Variants in COG7 observed in about 807,000 individuals in gnomAD.
The protein encoded by COG7 is conserved oligomeric Golgi complex subunit 7.
Under a neutral mutation model 91.5 loss-of-function variants are expected in COG7, and 49 were observed. The observed-to-expected ratio is 0.54, with a 90% CI of 0.43 to 0.68. The LOEUF (loss-of-function observed/expected upper bound fraction) is 0.68. COG7 is among the 30% of genes least tolerant of loss of function. The probability of loss-of-function intolerance (pLI) is 0.00; values close to 1 mark genes in which losing one functional copy is unlikely to be tolerated. For synonymous variants in COG7, 365 were observed against 388.7 expected, an observed-to-expected ratio of 0.94 and a Z score of 0.72; for missense variants, 895 against 961.3, an observed-to-expected ratio of 0.93 and a Z score of 0.91.
chr16:23,390,240 T>C (rs1393488108), intron 16 of COG7: 1 of 151,376 alleles, frequency 6.6e-6, no homozygotes, highest in Non-Finnish European at 1.5e-5. Flanking sequence ...TTCACTCTTG[T>C]TGCCCAGGCT....
rs111405261 is a variant in COG7, at chr16:23,409,095, A to ATGTG, written c.1475+1196_1475+1199dup. ...TGTGTGTGTGTGTGTGTGTGCGTGC[A>ATGTG]TGTGTGTGTGTGTGTGTGTGTATGT... On this transcript the variant is annotated intron_variant, in intron 11 of 16. Transcript: ENST00000307149. Among the ~76,000 whole-genome samples, 358 of 132,714 alleles carry ATGTG rather than the reference A, an allele frequency of 2.7e-3. 2 individuals carry two copies. The highest frequency in any genetic ancestry group is 8.1e-3 in the Middle Eastern group (2 of 248). The allele number at this position is 132,714 out of a possible 152,430, so 87.1% of individuals were successfully genotyped here.
rs568813084 is a variant in COG7 at position 23,434,709 on chromosome 16, T to G, written c.614A>C (p.Lys205Thr). 17 of 1,611,594 alleles carry G rather than the reference T, an allele frequency of 1.1e-5. 1 individual carries two copies. Among genetic ancestry groups the G allele is most frequent in the African/African-American group, 6.7e-5 (5 of 74,982 alleles). ...AFTSQAVDQS[K>T]VFVKVFTEID... ...TTCAGTAAACACCTTCACAAACACT[T>G]TGGACTGATCTAAAGAACATACAAT... The change falls in exon 5 of 17, where the codon AAA (lysine) becomes ACA (threonine). Residue 205 changes from lysine (K) to threonine (T), a missense_variant. Coordinates refer to ENST00000307149, the MANE Select transcript of COG7 (RefSeq NM_153603.4).
chr16:23,451,033 A>C (rs1964257112), intron 1 of COG7, among the ~76,000 whole-genome samples: 1 of 152,044 alleles, frequency 6.6e-6, no homozygotes, highest in South Asian at 2.1e-4. Flanking sequence ...ATCTCTACTA[A>C]AAATACAAAA....
At chr16:23,429,347 C>G (rs1237058118) in intron 6 of COG7, among the ~76,000 whole-genome samples, 1 of 151,398 alleles carries the variant, frequency 6.6e-6, no homozygotes, top group Non-Finnish European at 1.5e-5. Flanking sequence ...AATTCCACTC[C>G]TAGGTATTTA....
chr16:23,435,283 G>T (rs899003770), intron 4 of COG7, among the ~76,000 whole-genome samples: 1 of 151,920 alleles, frequency 6.6e-6, no homozygotes, highest in Non-Finnish European at 1.5e-5. Flanking sequence ...AGGAGAATTG[G>T]TTGAACCCGG....
At chr16:23,405,291 A>G (rs1890027879) in intron 12 of COG7, among the ~76,000 whole-genome samples, 1 of 152,124 alleles carries the variant, frequency 6.6e-6, no homozygotes, top group Non-Finnish European at 1.5e-5. Flanking sequence ...CTCCCTTGGA[A>G]AAGAGTAATG....
At chr16:23,421,508 C>T (rs1392154492) in intron 7 of COG7, among the ~76,000 whole-genome samples, 1 of 151,178 alleles carries the variant, frequency 6.6e-6, no homozygotes, top group Admixed American at 6.6e-5. Flanking sequence ...AACTCCCAAA[C>T]AGAATAACAG....
intron 6 of COG7, among the ~76,000 whole-genome samples, 187 bp downstream of exon 6, chr16:23,433,358 G>T (rs951982732): frequency 6.6e-6 from 1 of 152,062 alleles, no homozygotes; most frequent in African/African-American, 2.4e-5. Context: ...TCCAAAGTGT[G>T]GTGATTACAA....
rs1456994969 is a variant in COG7, at chr16:23,439,278, T to A, written c.604+3199A>T. 2.5e-5 allele frequency among the ~76,000 whole-genome samples: 3 copies of A among 119,986 alleles called. No individual in the cohort carries two copies. In the Admixed American group the frequency reaches 3.2e-4, roughly 13 times the overall value. 78.7% of individuals were successfully genotyped at this position (119,986 alleles called of 152,430 possible). Reference sequence around the variant, plus strand: ...CAGATCATGCCACTGCACTCCAGCCTGGGCAACAGAGTTAAACTGTGTCTC... The same window carrying A: ...CAGATCATGCCACTGCACTCCAGCCAGGGCAACAGAGTTAAACTGTGTCTC... On this transcript the variant is annotated intron_variant, in intron 4 of 16. Transcript: ENST00000307149.
intron 4 of COG7, among the ~76,000 whole-genome samples, chr16:23,437,043 G>A (rs1234331947): frequency 2.6e-5 from 4 of 152,150 alleles, no homozygotes; most frequent in African/African-American, 7.2e-5. Context: ...GGGCCAAGGG[G>A]GCTTGGGCCA....
intron 6 of COG7, among the ~76,000 whole-genome samples, chr16:23,432,509 AT>A (rs1269767738): frequency 2.6e-5 from 4 of 152,150 alleles, no homozygotes; most frequent in East Asian, 1.9e-4. Flanking sequence ...GAGAAAAAAA[AT>A]AAATAAATAA....
intron 6 of COG7, among the ~76,000 whole-genome samples, chr16:23,430,541 T>TA (rs1158720298): frequency 6.6e-6 from 1 of 151,980 alleles, no homozygotes; most frequent in African/African-American, 2.4e-5. Context: ...GTTTGCAACT[T>TA]ACTCTGTTTT....
intron 14 of COG7, chr16:23,395,060 C>G (rs746344807): frequency 6.6e-6 from 1 of 152,164 alleles, no homozygotes; most frequent in African/African-American, 2.4e-5. Context: ...CCGCCCACCT[C>G]GGCCTCCCAA....
chr16:23,410,408 C>G (rs1332708517), intron 10 of COG7, 48 bp from the exon 11 acceptor site: 2 of 1,445,944 alleles, frequency 1.4e-6, no homozygotes, highest in Admixed American at 1.7e-5. Context: ...GGAATGCCAG[C>G]CTTTACAGGA....
intron 11 of COG7, among the ~76,000 whole-genome samples, chr16:23,409,086 T>TGTGTGTGTGTGTGTGC (rs1555493316): frequency 8.8e-6 from 1 of 113,260 alleles, no homozygotes; most frequent in African/African-American, 3.9e-5. Flanking sequence ...TGTGTGTGTG[T>TGTGTGTGTGTGTGTGC]GTGCGTGCAT....
intron 6 of COG7, among the ~76,000 whole-genome samples, chr16:23,429,937 A>C (rs1963908161): frequency 6.6e-6 from 1 of 152,210 alleles, no homozygotes; most frequent in Admixed American, 6.5e-5. Context: ...AAATTCTAGA[A>C]CACATTAAAC....
chr16:23,403,237 G>C (rs2142065263), intron 13 of COG7, among the ~76,000 whole-genome samples: 1 of 152,266 alleles, frequency 6.6e-6, no homozygotes, highest in South Asian at 2.1e-4. Flanking sequence ...AGGAAAGAAA[G>C]GAACAGAACC....
At chr16:23,452,610 G>T in intron 1 of COG7, 1 of 1,157,884 alleles carries the variant, frequency 8.6e-7, no homozygotes, top group Non-Finnish European at 1.2e-6. Context: ...GCCAGAGGAG[G>T]AAAAACAACA....
In COG7 at chr16:23,442,636, C is replaced by T. The variant is rs1441413236; in HGVS notation, c.445G>A (p.Val149Met). The change falls in exon 4 of 17, where the codon GTG becomes ATG. Residue 149 changes from valine to methionine, a missense_variant. Transcript: ENST00000307149. Reference protein sequence around the residue: ...EETFKTQDIAVISAKLTGMQN... With the variant: ...EETFKTQDIAMISAKLTGMQN... ...ATACCTGTTAGCTTGGCAGAAATCACAGCTATGTCCTAGAAAAGACCAGAA... is the reference window on the plus strand; with the variant it reads ...ATACCTGTTAGCTTGGCAGAAATCATAGCTATGTCCTAGAAAAGACCAGAA... 2 of 1,613,360 alleles carry T rather than the reference C, an allele frequency of 1.2e-6. No individual in the cohort carries two copies. Among genetic ancestry groups the T allele is most frequent in the Non-Finnish European group, 1.7e-6 (2 of 1,179,294 alleles).
Sources: allele counts gnomAD v4.1 joint callset (sites outside exome capture counted in the v4.1 genomes callset), GRCh38; gene constraint gnomAD v4.1.1; transcripts MANE v1.5; gene names NCBI Gene and HGNC (gene_info 2026-07-23, HGNC 2026-07-21).